Variants in CNTNAP2 observed in about 807,000 individuals in gnomAD.
CNTNAP2 encodes the protein contactin-associated protein-like 2.
CNTNAP2 carries 98 observed loss-of-function variants against 155.2 expected under a neutral mutation model. The observed-to-expected ratio is 0.63, with a 90% confidence interval of 0.54 to 0.75. The LOEUF (loss-of-function observed/expected upper bound fraction) is 0.75, where lower values mean the gene tolerates loss of function less well. Ranked by LOEUF, CNTNAP2 falls within the 30% of genes least tolerant of loss-of-function variation. CNTNAP2 has a pLI of 0.00. For synonymous variants in CNTNAP2, 651 were observed against 631.2 expected, an observed-to-expected ratio of 1.03 and a Z score of -0.47; for missense variants, 1,727 against 1,688.1, an observed-to-expected ratio of 1.02 and a Z score of -0.40.
intron 1 of CNTNAP2, among the ~76,000 whole-genome samples, chr7:146,487,192 T>C (rs1346489132): frequency 1.3e-5 from 2 of 152,210 alleles, no homozygotes; most frequent in African/African-American, 4.8e-5. Flanking sequence ...CGGATTATGA[T>C]AGACTAGAAT....
intron 13 of CNTNAP2, among the ~76,000 whole-genome samples, chr7:147,652,948 A>G (rs1300966446): frequency 2.0e-5 from 3 of 152,184 alleles, no homozygotes; most frequent in Non-Finnish European, 4.4e-5. Context: ...CTTCTTTCTG[A>G]AAAATCCTAC....
At chr7:148,361,431 G>A (rs772452785) in intron 21 of CNTNAP2, among the ~76,000 whole-genome samples, 2 of 152,116 alleles carry the variant, frequency 1.3e-5, no homozygotes, top group Non-Finnish European at 2.9e-5. Flanking sequence ...TCACAGTTCC[G>A]GAGCCCAGAG....
At chr7:147,085,287 A>C (rs563356351) in intron 4 of CNTNAP2, among the ~76,000 whole-genome samples, 11 of 152,240 alleles carry the variant, frequency 7.2e-5, no homozygotes, top group African/African-American at 2.4e-4. Context: ...CCACGGACCT[A>C]TACTGGTCCA....
chr7:146,782,894 A>G (rs975524473), intron 2 of CNTNAP2, among the ~76,000 whole-genome samples: 1 of 152,224 alleles, frequency 6.6e-6, no homozygotes, highest in African/African-American at 2.4e-5. Context: ...TGTCATTACA[A>G]AGACGATGCC....
intron 8 of CNTNAP2, among the ~76,000 whole-genome samples, chr7:147,265,623 C>T (rs577086392): frequency 6.6e-6 from 1 of 152,294 alleles, no homozygotes; most frequent in South Asian, 2.1e-4. Flanking sequence ...GTGGGTTTCC[C>T]CCGAGCACAG....
chr7:148,348,870 C>T (rs1218526087), intron 21 of CNTNAP2, among the ~76,000 whole-genome samples: 1 of 152,176 alleles, frequency 6.6e-6, no homozygotes, highest in Admixed American at 6.6e-5. Context: ...TATTAGTAAA[C>T]AGCAATATAA....
At chr7:146,486,972 A>G (rs1563103307) in intron 1 of CNTNAP2, among the ~76,000 whole-genome samples, 1 of 152,188 alleles carries the variant, frequency 6.6e-6, no homozygotes, top group African/African-American at 2.4e-5. Flanking sequence ...ACACAATTTT[A>G]TTGCATATGA....
intron 12 of CNTNAP2, 108 bp from the exon 13 acceptor site, chr7:147,638,998 A>G (rs2116923561): frequency 1.8e-6 from 2 of 1,113,328 alleles, no homozygotes; most frequent in Non-Finnish European, 2.8e-6. Context: ...ACTGTTCTAC[A>G]CCAGCTCAGT....
In CNTNAP2 at chr7:146,778,986, T is replaced by G. The variant is rs902763101; in HGVS notation, c.208+4605T>G. Reference sequence around the variant, plus strand: ...TCGTTTTGGGAACCCAGGGGACTACTGGGGAAACGATAACAGGCTATGTGT... The same window carrying G: ...TCGTTTTGGGAACCCAGGGGACTACGGGGGAAACGATAACAGGCTATGTGT... On this transcript the variant is annotated intron_variant, in intron 2 of 23. Coordinates refer to ENST00000361727, the MANE Select transcript of CNTNAP2 (RefSeq NM_014141.6). 5.9e-5 allele frequency among the ~76,000 whole-genome samples: 9 copies of G among 152,122 alleles called. 1 individual carries two copies. In the South Asian group the frequency reaches 8.3e-4, roughly 14 times the overall value.
intron 13 of CNTNAP2, among the ~76,000 whole-genome samples, chr7:147,859,699 G>A (rs1167750238): frequency 6.6e-6 from 1 of 152,096 alleles, no homozygotes; most frequent in East Asian, 1.9e-4. Flanking sequence ...TTGACTTGAT[G>A]ATTCATTTCA....
chr7:146,232,379 G>T (rs542500973), intron 1 of CNTNAP2, among the ~76,000 whole-genome samples: 1 of 151,810 alleles, frequency 6.6e-6, no homozygotes, highest in South Asian at 2.1e-4. Flanking sequence ...CTCTGGAAAA[G>T]GTAAGTAGAA....
At chr7:147,768,444 A>G (rs1797416618) in intron 13 of CNTNAP2, among the ~76,000 whole-genome samples, 1 of 152,122 alleles carries the variant, frequency 6.6e-6, no homozygotes. Context: ...TAGTGCTTAG[A>G]GCATAATTTG....
intron 4 of CNTNAP2, among the ~76,000 whole-genome samples, chr7:147,088,980 G>C (rs1800340691): frequency 6.6e-6 from 1 of 151,298 alleles, no homozygotes; most frequent in Admixed American, 6.6e-5. Flanking sequence ...AAGAGAAAGA[G>C]AGAAAGAGAG....
intron 1 of CNTNAP2, among the ~76,000 whole-genome samples, chr7:146,627,985 A>T (rs1799447845): frequency 6.6e-6 from 1 of 152,090 alleles, no homozygotes; most frequent in Non-Finnish European, 1.5e-5. Flanking sequence ...TTTGCCAATG[A>T]GTGTGTGGTC....
chr7:146,143,029 A>G (rs1275316816), intron 1 of CNTNAP2, among the ~76,000 whole-genome samples: 3 of 152,164 alleles, frequency 2.0e-5, no homozygotes, highest in Non-Finnish European at 4.4e-5. Context: ...AAGCCTCTCA[A>G]ATGATTTTCC....
chr7:146,748,143 C>CTTTTCTTT (rs60181692), intron 1 of CNTNAP2, among the ~76,000 whole-genome samples: 1,503 of 98,080 alleles, frequency 0.015, 34 homozygotes, highest in South Asian at 0.03. Flanking sequence ...CTTTTCTTTT[C>CTTTTCTTT]TTTTTTTTTT....
At chr7:148,042,367 G>A (rs576381506) in intron 15 of CNTNAP2, among the ~76,000 whole-genome samples, 1 of 152,206 alleles carries the variant, frequency 6.6e-6, no homozygotes, top group East Asian at 1.9e-4. Context: ...AGGGCATGGT[G>A]GAGGGGGAAG....
intron 13 of CNTNAP2, among the ~76,000 whole-genome samples, chr7:147,728,235 A>T (rs895147499): frequency 6.6e-5 from 10 of 152,044 alleles, no homozygotes; most frequent in African/African-American, 2.4e-4. Context: ...AAGTGTTAGC[A>T]GAATTTTTAC....
rs199668925 is a variant in CNTNAP2 at position 146,154,644 on chromosome 7, G to A, written c.97+37671G>A. On this transcript the variant is annotated intron_variant, in intron 1 of 23. Coordinates refer to ENST00000361727, the MANE Select transcript of CNTNAP2 (RefSeq NM_014141.6). ...CCAAGAGTCTCACAAAGCATTTACA[G>A]CATATGCTACAGAAACATAGAAAGG... Among the ~76,000 whole-genome samples, 16 of 152,286 alleles carry A rather than the reference G, an allele frequency of 1.1e-4. No homozygotes were observed. In the East Asian group the frequency reaches 2.7e-3, roughly 26 times the overall value.
Sources: allele counts gnomAD v4.1 joint callset (sites outside exome capture counted in the v4.1 genomes callset), GRCh38; gene constraint gnomAD v4.1.1; transcripts MANE v1.5; gene names NCBI Gene and HGNC (gene_info 2026-07-23, HGNC 2026-07-21).